The following SBNO1 variants were observed in gnomAD, a reference collection of about 807,000 sequenced individuals.
The protein encoded by SBNO1 is protein strawberry notch homolog 1.
SBNO1 carries 23 observed loss-of-function variants against 173.6 expected under a neutral mutation model. The observed-to-expected ratio is 0.13, with a 90% CI of 0.10 to 0.19. SBNO1 has a LOEUF of 0.19. Among genes scored for constraint, SBNO1 ranks in the 10% least tolerant of loss-of-function variants. The pLI, the probability that SBNO1 is intolerant of heterozygous loss-of-function variation, is 1.00. For missense variants in SBNO1, 1,238 were observed against 1,671.2 expected, an observed-to-expected ratio of 0.74 and a Z score of 4.52; for synonymous variants, 632 against 571.5, an observed-to-expected ratio of 1.11 and a Z score of -1.51.
intron 21 of SBNO1, among the ~76,000 whole-genome samples, chr12:123,316,760 TA>T (rs1439458391): frequency 7.0e-6 from 1 of 143,454 alleles, no homozygotes; most frequent in African/African-American, 2.5e-5. Flanking sequence ...TGGAGTGCAA[TA>T]GCGTGATCTC....
At chr12:123,314,625 C>T (rs1394157416) in intron 23 of SBNO1, among the ~76,000 whole-genome samples, 1 of 151,790 alleles carries the variant, frequency 6.6e-6, no homozygotes, top group Admixed American at 6.6e-5. Flanking sequence ...CTGTGCCCAG[C>T]CACGCCCAAC....
At chr12:123,327,183 G>A (rs758683940) in intron 13 of SBNO1, among the ~76,000 whole-genome samples, 2 of 151,480 alleles carry the variant, frequency 1.3e-5, no homozygotes, top group African/African-American at 2.4e-5. Context: ...ATTTTTTTTC[G>A]TATTTTTAGT....
At chr12:123,341,361 T>C (rs1031417894) in intron 4 of SBNO1, among the ~76,000 whole-genome samples, 3 of 151,826 alleles carry the variant, frequency 2.0e-5, no homozygotes, top group African/African-American at 2.4e-5. Context: ...AGGCAGAGAA[T>C]TGCTTGAACC....
chr12:123,363,383 C>G (rs1037086719), intron 1 of SBNO1, among the ~76,000 whole-genome samples: 4 of 152,168 alleles, frequency 2.6e-5, no homozygotes, highest in African/African-American at 9.7e-5. Context: ...TCCCTCTGTA[C>G]TGTCAGCTCG....
At chr12:123,326,509 C>A (rs901942630) in intron 13 of SBNO1, among the ~76,000 whole-genome samples, 175 bp from the exon 14 acceptor site, 2 of 152,192 alleles carry the variant, frequency 1.3e-5, no homozygotes, top group African/African-American at 4.8e-5. Flanking sequence ...TCTCAAGTTT[C>A]TTATTACCTA....
intron 30 of SBNO1, 59 bp downstream of exon 30, chr12:123,302,765 G>A (rs2048827649): frequency 3.1e-6 from 3 of 972,202 alleles, no homozygotes; most frequent in South Asian, 1.3e-5. Context: ...AAGAGTGAAG[G>A]TGTATTTAAA....
intron 1 of SBNO1, among the ~76,000 whole-genome samples, chr12:123,353,478 T>C (rs934432567): frequency 6.6e-6 from 1 of 152,034 alleles, no homozygotes; most frequent in African/African-American, 2.4e-5. Flanking sequence ...GAGATTAAAA[T>C]TGGAGGGGGA....
chr12:123,300,607 G>A (rs1460048767), intron 30 of SBNO1, among the ~76,000 whole-genome samples: 8 of 151,128 alleles, frequency 5.3e-5, no homozygotes, highest in Admixed American at 2.0e-4. Context: ...GCAGTGAGCC[G>A]AGATCACACC....
intron 25 of SBNO1, among the ~76,000 whole-genome samples, chr12:123,310,591 G>A (rs1421122420): frequency 6.6e-6 from 1 of 151,026 alleles, no homozygotes; most frequent in Non-Finnish European, 1.5e-5. Context: ...TTGGAGTGCA[G>A]TGGTGCAATC....
At chr12:123,335,603 G>A (rs965803765) in intron 6 of SBNO1, among the ~76,000 whole-genome samples, 1 of 152,168 alleles carries the variant, frequency 6.6e-6, no homozygotes, top group African/African-American at 2.4e-5. Context: ...TGCCGTTTTA[G>A]GCCATCCTGT....
At chr12:123,330,992 G>T (rs1175666292) in intron 8 of SBNO1, among the ~76,000 whole-genome samples, 1 of 151,930 alleles carries the variant, frequency 6.6e-6, no homozygotes. Context: ...AGACGGAGTC[G>T]CACTCTGTCA....
intron 7 of SBNO1, among the ~76,000 whole-genome samples, chr12:123,333,562 T>A (rs1228028071): frequency 6.6e-6 from 1 of 151,958 alleles, no homozygotes; most frequent in Non-Finnish European, 1.5e-5. Context: ...AGTGACAAGA[T>A]CACAGCTTAT....
chr12:123,346,441 G>A (rs1267621958), intron 3 of SBNO1, among the ~76,000 whole-genome samples: 1 of 151,094 alleles, frequency 6.6e-6, no homozygotes, highest in Non-Finnish European at 1.5e-5. Flanking sequence ...GAGGCGGGCG[G>A]ATCACGAGGT....
At chr12:123,318,967 GT>G (rs575457621) in intron 20 of SBNO1, among the ~76,000 whole-genome samples, 9,434 of 135,608 alleles carry the variant, frequency 0.07, 251 homozygotes, top group South Asian at 0.11. Context: ...CTAAGGGAAC[GT>G]TTTTTTTTTT....
chr12:123,352,066 GCCATGGATTTTTAC>G (rs11268916), intron 1 of SBNO1, among the ~76,000 whole-genome samples: 144,857 of 152,106 alleles, frequency 0.95, 69,104 homozygotes, highest in Non-Finnish European at 0.96. Context: ...CTATTCTGCT[GCCATGGATTTTTAC>G]CCATTTTATA....
At chr12:123,339,529 G>C (rs542402376) in intron 5 of SBNO1, among the ~76,000 whole-genome samples, 1 of 152,126 alleles carries the variant, frequency 6.6e-6, no homozygotes, top group African/African-American at 2.4e-5. Context: ...AGGGCACCTT[G>C]GCCTCCCAGC....
At chr12:123,327,157 C>A (rs1376331317) in intron 13 of SBNO1, among the ~76,000 whole-genome samples, 2 of 152,108 alleles carry the variant, frequency 1.3e-5, no homozygotes, top group South Asian at 4.1e-4. Context: ...CAGGCGCACA[C>A]CACCATGCCC....
chr12:123,308,370 C>T (rs978950243), intron 28 of SBNO1, among the ~76,000 whole-genome samples: 2 of 151,954 alleles, frequency 1.3e-5, no homozygotes, highest in Non-Finnish European at 2.9e-5. Context: ...ATGAAAAATG[C>T]TTAATTTAAG....
intron 30 of SBNO1, among the ~76,000 whole-genome samples, chr12:123,300,573 C>T (rs762981281): frequency 4.6e-5 from 7 of 151,902 alleles, no homozygotes; most frequent in African/African-American, 1.7e-4. Flanking sequence ...CAGAAGAATG[C>T]CGTGAACCTG....
Sources: gnomAD v4.1 joint callset for allele counts (sites outside exome capture counted in the v4.1 genomes callset) on GRCh38, gnomAD v4.1.1 for gene constraint, MANE v1.5 for transcripts, NCBI Gene and HGNC (gene_info 2026-07-23, HGNC 2026-07-21) for gene names.